The following ADGRE3 variants were observed in gnomAD, a reference collection of about 807,000 sequenced individuals.
The protein encoded by ADGRE3 is EGF-like module receptor 3.
In ADGRE3, 88 loss-of-function variants were observed where a neutral mutation model predicts 80.1. The observed-to-expected ratio is 1.10, with a 90% confidence interval of 0.93 to 1.31. The LOEUF (loss-of-function observed/expected upper bound fraction) is 1.31, where lower values mean the gene tolerates loss of function less well. Ranked by LOEUF, ADGRE3 falls within the 40% of genes most tolerant of loss-of-function variation. The probability of loss-of-function intolerance (pLI) is 0.00; values close to 1 mark genes in which losing one functional copy is unlikely to be tolerated. For missense variants in ADGRE3, 715 were observed against 776.5 expected (o/e 0.92, Z 0.94); for synonymous variants, 281 against 294.8 (o/e 0.95, Z 0.48).
intron 2 of ADGRE3, among the ~76,000 whole-genome samples, chr19:14,665,693 A>G (rs934787912): frequency 1.1e-4 from 16 of 150,878 alleles, no homozygotes; most frequent in Non-Finnish European, 1.9e-4. Context: ...GGTTCTTGCT[A>G]TGTTGCCTAG....
At chr19:14,635,360 T>C (rs1971007579) in intron 11 of ADGRE3, among the ~76,000 whole-genome samples, 1 of 151,774 alleles carries the variant, frequency 6.6e-6, no homozygotes, top group African/African-American at 2.4e-5. Context: ...CCTCCTTGCC[T>C]TCCCAAAGTG....
At chr19:14,666,528 C>T (rs1444755771) in intron 2 of ADGRE3, among the ~76,000 whole-genome samples, 1 of 152,074 alleles carries the variant, frequency 6.6e-6, no homozygotes, top group Non-Finnish European at 1.5e-5. Flanking sequence ...AGATGCACAC[C>T]ATCACACCTG....
chr19:14,631,137 G>A (rs10416422), intron 13 of ADGRE3, among the ~76,000 whole-genome samples: 3,144 of 152,196 alleles, frequency 0.021, 97 homozygotes, highest in African/African-American at 0.072. Flanking sequence ...CTCCCAAAGT[G>A]TTGGGATTAC....
rs66908687 is a variant in ADGRE3 at position 14,659,822 on chromosome 19, G to GAAAAAAAAAAAAAAAAA, written c.356-1289_356-1273dup. On this transcript the variant is annotated intron_variant, in intron 4 of 15. Coordinates refer to ENST00000253673, the MANE Select transcript of ADGRE3 (RefSeq NM_032571.5). ...GGAGACAGAGCGAGACTCTGCCTCT[G>GAAAAAAAAAAAAAAAAA]AAAAAAAAAAAAAAAAAAAAAAAAA... is the stretch of plus-strand genomic sequence containing the variant. Among the ~76,000 whole-genome samples, 13 of 44,838 alleles carry GAAAAAAAAAAAAAAAAA rather than the reference G, an allele frequency of 2.9e-4. 2 individuals carry two copies. The highest frequency in any genetic ancestry group is 4.5e-4 in the African/African-American group (5 of 11,220). The allele number at this position is 44,838 out of a possible 152,430, so 29.4% of individuals were successfully genotyped here.
chr19:14,607,359 A>G, the ADGRE3 span, among the ~76,000 whole-genome samples: 213 of 134,142 alleles, frequency 1.6e-3, 2 homozygotes, highest in Middle Eastern at 7.3e-3. Flanking sequence ...GCCCATCACC[A>G]TGCCCGGCTA....
In ADGRE3 at chr19:14,663,413, T is replaced by G. The variant is rs1326620370; in HGVS notation, c.199+5A>C. ...TAATAATAAAAAATAATAATACTTC[T>G]TTACCGTTACATGTCTCCAAGGGGA... On this transcript the variant is annotated splice_donor_5th_base_variant and intron_variant, in intron 3 of 15. Transcript: ENST00000253673. The G allele has an allele frequency of 1.3e-6, 2 of 1,551,004 alleles. No homozygotes were observed. Among genetic ancestry groups the G allele is most frequent in the Non-Finnish European group, 1.8e-6 (2 of 1,139,102 alleles).
At chr19:14,640,736 G>T (rs12982690) in intron 10 of ADGRE3, among the ~76,000 whole-genome samples, 5 of 152,104 alleles carry the variant, frequency 3.3e-5, no homozygotes, top group African/African-American at 1.2e-4. Flanking sequence ...GGGAGGACCC[G>T]GTGGGAGATA....
chr19:14,636,084 T>TTC (rs1971054408), intron 11 of ADGRE3, among the ~76,000 whole-genome samples: 5 of 19,212 alleles, frequency 2.6e-4, no homozygotes, highest in African/African-American at 4.8e-4. Flanking sequence ...TCCTTTCCCT[T>TTC]TCTTTCTTTC....
At position 14,647,611 on chromosome 19, in the gene ADGRE3, T is replaced by C. The variant is rs575905776; in HGVS notation, c.698-246A>G. Among the ~76,000 whole-genome samples, 36 of 150,680 alleles carry C rather than the reference T, an allele frequency of 2.4e-4. No individual in the cohort carries two copies. The South Asian group carries it at 5.9e-3, about 25-fold the overall frequency. ...TTTTGTCTTTTTAGTAGAGATAGGG[T>C]TTCACTATGTTGGCCAGGCTGGTCT... On this transcript the variant is annotated intron_variant, in intron 7 of 15. Coordinates refer to ENST00000253673, the MANE Select transcript of ADGRE3 (RefSeq NM_032571.5).
chr19:14,652,442 T>TA (rs796792049), intron 6 of ADGRE3, among the ~76,000 whole-genome samples: 151 of 144,594 alleles, frequency 1.0e-3, no homozygotes, highest in African/African-American at 3.2e-3. Flanking sequence ...ATTAAAAGGT[T>TA]AAAAAAAAAA....
intron 5 of ADGRE3, among the ~76,000 whole-genome samples, chr19:14,657,749 T>TTTTG (rs1568495279): frequency 3.5e-5 from 5 of 142,646 alleles, no homozygotes; most frequent in African/African-American, 1.3e-4. Context: ...ATATATATTT[T>TTTTG]TTTGTTTGTT....
intron 6 of ADGRE3, 56 bp from the exon 7 acceptor site, chr19:14,651,260 T>G: frequency 6.3e-7 from 1 of 1,599,640 alleles, no homozygotes; most frequent in Non-Finnish European, 8.6e-7. Context: ...TTTAAAAATA[T>G]GCATAGGAAC....
At chr19:14,648,087 C>CAAAAAAAAA (rs60371636) in intron 7 of ADGRE3, among the ~76,000 whole-genome samples, 2 of 108,338 alleles carry the variant, frequency 1.8e-5, no homozygotes, top group South Asian at 3.2e-4. Context: ...ATCTCAAAGA[C>CAAAAAAAAA]AAAAAAAAAA....
At chr19:14,620,548 T>TATTATATATATATATATA in intron 15 of ADGRE3, among the ~76,000 whole-genome samples, 3 of 24,974 alleles carry the variant, frequency 1.2e-4, no homozygotes, top group South Asian at 1.7e-3. Context: ...TATATATATA[T>TATTATATATATATATATA]TATATATATA....
In ADGRE3 at chr19:14,619,464, AC is replaced by A. The variant is rs1970472893; in HGVS notation, c.1927del (p.Val643PhefsTer6). The A allele has an allele frequency of 1.3e-6, 2 of 1,595,686 alleles. No homozygotes were observed. The highest frequency in any genetic ancestry group is 1.1e-5 in the South Asian group (1 of 90,522). On this transcript the variant is annotated frameshift_variant, in exon 16 of 16. Transcript: ENST00000253673. LOFTEE classifies it high-confidence loss of function. ...TTTTCTCTTCACTTGTCCTGGAAAA[AC>A]ATCCCCCTATAAAAGAGGTTTAGAT... Reference protein sequence around the residue: ...GPDSKPSEGDVFPGQVKRKY With the variant: ...GPDSKPSEGDXFPGQVKRKY
chr19:14,613,985 C>T, the ADGRE3 span, among the ~76,000 whole-genome samples: 1 of 151,878 alleles, frequency 6.6e-6, no homozygotes, highest in South Asian at 2.1e-4. Context: ...TGCACCCAGC[C>T]TCGTTATTTA....
chr19:14,600,221 A>G, the ADGRE3 span: 6 of 1,605,890 alleles, frequency 3.7e-6, no homozygotes, highest in Middle Eastern at 5.0e-4. Flanking sequence ...ACCTTCAGGG[A>G]CAGCCTGCTT....
intron 4 of ADGRE3, among the ~76,000 whole-genome samples, chr19:14,659,323 G>A (rs1011760434): frequency 9.2e-5 from 14 of 152,064 alleles, no homozygotes; most frequent in African/African-American, 1.9e-4. Flanking sequence ...GATTACAGGC[G>A]CGAGCCACCG....
chr19:14,650,829 G>T (rs1971585563), intron 7 of ADGRE3, among the ~76,000 whole-genome samples: 1 of 152,034 alleles, frequency 6.6e-6, no homozygotes, highest in Non-Finnish European at 1.5e-5. Context: ...TTTGCTTCTG[G>T]GTGAACCCAA....
Sources: gnomAD v4.1 joint callset for allele counts (sites outside exome capture counted in the v4.1 genomes callset) on GRCh38, gnomAD v4.1.1 for gene constraint, MANE v1.5 for transcripts, NCBI Gene and HGNC (gene_info 2026-07-23, HGNC 2026-07-21) for gene names.